The following PRAME variants were observed in gnomAD, a reference collection of about 807,000 sequenced individuals.
The protein encoded by PRAME is PRAME nuclear receptor transcriptional regulator.
Under a neutral mutation model 32.1 loss-of-function variants are expected in PRAME, and 21 were observed. The observed-to-expected ratio is 0.65, with a 90% CI of 0.46 to 0.94. The LOEUF (loss-of-function observed/expected upper bound fraction) is 0.94, where lower values mean the gene tolerates loss of function less well. PRAME is among the 40% of genes least tolerant of loss of function. The pLI, the probability that PRAME is intolerant of heterozygous loss-of-function variation, is 0.00. For missense variants in PRAME, 651 were observed against 622.3 expected (o/e 1.05, Z -0.49); for synonymous variants, 274 against 251.5 (o/e 1.09, Z -0.85).
intron 1 of PRAME, among the ~76,000 whole-genome samples, chr22:22,558,406 G>A (rs1308168579): frequency 3.3e-5 from 1 of 29,970 alleles, no homozygotes; most frequent in Non-Finnish European, 6.9e-5. Flanking sequence ...GGGCCAGGGC[G>A]GGAATGGGGG....
chr22:22,547,787 G>A lies in PRAME; in HGVS notation c.*280C>T, dbSNP rs2062335087. The A allele has an allele frequency of 2.0e-6, 1 of 490,510 alleles. No individual in the cohort carries two copies. The highest frequency in any genetic ancestry group is 1.9e-5 in the African/African-American group (1 of 51,682). The allele number at this position is 490,510 out of a possible 1,614,324, so 30.4% of individuals were successfully genotyped here. A position where few individuals can be genotyped will look rare whatever the true frequency, so the allele number is the denominator to read the frequency against. ...ACTCCTACATGTACTTCCCAAGCCA[G>A]AATCTCCCTTTAGAAATTCAGATTC... is the stretch of plus-strand genomic sequence containing the variant. On this transcript the variant is annotated 3_prime_UTR_variant, in exon 6 of 6. Coordinates refer to ENST00000405655, the MANE Select transcript of PRAME (RefSeq NM_206956.3).
At chr22:22,553,793 G>A (rs2062740642) in intron 3 of PRAME, 4 of 984,910 alleles carry the variant, frequency 4.1e-6, no homozygotes, top group Non-Finnish European at 4.8e-6. Context: ...AGGGCTGAAA[G>A]CACACATCCC....
chr22:22,556,162 G>A (rs1355414190), intron 3 of PRAME, among the ~76,000 whole-genome samples: 1 of 151,456 alleles, frequency 6.6e-6, no homozygotes, highest in Non-Finnish European at 1.5e-5. Context: ...ACCACGCCCA[G>A]CTAATTTTTT....
At position 22,549,892 on chromosome 22, in the gene PRAME, G is replaced by C. The variant is rs41277505; in HGVS notation, c.787C>G (p.Arg263Gly). 9.3e-6 allele frequency: 15 copies of C among 1,613,728 alleles called. No homozygotes were observed. The highest frequency in any genetic ancestry group is 8.3e-5 in the Admixed American group (5 of 59,972). The change falls in exon 5 of 6, where the codon CGT (arginine) becomes GGT (glycine). Residue 263 changes from arginine to glycine, a missense_variant. Transcript: ENST00000405655. Reference protein sequence around the residue: ...SPYLGQMINLRRLLLSHIHAS... With the variant: ...SPYLGQMINLGRLLLSHIHAS... ...TGGATGTGGGAGAGGAGGAGTCTAC[G>C]CAGATTAATCATCTGGCCCAGGTAA...
Position 22,550,986 on chromosome 22 carries a change from A to AT in PRAME, c.124dup (p.Ile42AsnfsTer21). The AT allele has an allele frequency of 6.2e-7, 1 of 1,613,492 alleles. No homozygotes were observed. The highest frequency in any genetic ancestry group is 1.1e-5 in the South Asian group (1 of 91,050). ...CCTGGGCAGCAACTCCAGGGCGGCA[A>AT]TGGCCAGGGCCTCATCCTTCAGCAG... On this transcript the variant is annotated frameshift_variant, in exon 4 of 6. Coordinates refer to ENST00000405655, the MANE Select transcript of PRAME (RefSeq NM_206956.3). LOFTEE classifies it high-confidence loss of function.
In PRAME at chr22:22,548,615, A is replaced by AT; in HGVS notation, c.981_982insA (p.Ser328IlefsTer4). The AT allele has an allele frequency of 6.2e-7, 1 of 1,606,026 alleles. No individual in the cohort carries two copies. Among genetic ancestry groups the AT allele is most frequent in the Non-Finnish European group, 8.5e-7 (1 of 1,179,412 alleles). ...TCCGAAAGCCGGCAGTTAGTTATTG[A>AT]GAGGGTTTCCAAGGGGTTCATCACG... is the stretch of plus-strand genomic sequence containing the variant. On this transcript the variant is annotated frameshift_variant, in exon 6 of 6. Coordinates refer to ENST00000405655, the MANE Select transcript of PRAME (RefSeq NM_206956.3). LOFTEE classifies it low-confidence loss of function (END_TRUNC).
At chr22:22,558,555 AAGTC>A (rs1340883349) in intron 1 of PRAME, among the ~76,000 whole-genome samples, 2 of 87,114 alleles carry the variant, frequency 2.3e-5, no homozygotes, top group Admixed American at 1.4e-4. Flanking sequence ...TGTGGAAAGA[AAGTC>A]AGAAGGTGGG....
chr22:22,552,626 A>AG (rs1429573203), intron 3 of PRAME, among the ~76,000 whole-genome samples: 2 of 152,036 alleles, frequency 1.3e-5, no homozygotes, highest in Non-Finnish European at 2.9e-5. Flanking sequence ...AATCAATCCA[A>AG]TAACCAAATA....
At chr22:22,555,183 T>A (rs1239597052) in intron 3 of PRAME, among the ~76,000 whole-genome samples, 3 of 152,024 alleles carry the variant, frequency 2.0e-5, no homozygotes, top group Admixed American at 1.3e-4. Context: ...CAGAGTGGCC[T>A]CTGAGCTCAT....
Position 22,548,533 on chromosome 22 carries a change from C to A in PRAME, c.1064G>T (p.Ser355Ile). The A allele has an allele frequency of 1.2e-6, 2 of 1,613,710 alleles. No individual in the cohort carries two copies. Among genetic ancestry groups the A allele is most frequent in the Non-Finnish European group, 1.7e-6 (2 of 1,179,956 alleles). ...ATCGGTCAGCATGACCCCACTTAGACTCAGGACACTTAGCTGACTGACGCT... is the reference window on the plus strand; with the variant it reads ...ATCGGTCAGCATGACCCCACTTAGAATCAGGACACTTAGCTGACTGACGCT... ...SPSVSQLSVL[S>I]LSGVMLTDVS... Residue 355 changes from serine to isoleucine, a missense_variant, in exon 6 of 6, where the codon AGT (serine) becomes ATT (isoleucine). By Grantham distance (142) the Ser-to-Ile change is moderately radical. Transcript: ENST00000405655.
Position 22,551,022 on chromosome 22 carries a change from G to T in PRAME, c.89C>A (p.Ala30Glu). The change falls in exon 4 of 6, where the codon GCA (alanine) becomes GAA (glutamate). Residue 30 changes from alanine (A) to glutamate (E), a missense_variant. Physicochemically the swap from Ala to Glu is moderately radical, Grantham distance 107. Coordinates refer to ENST00000405655, the MANE Select transcript of PRAME (RefSeq NM_206956.3). ...WTSPRRLVEL[A>E]GQSLLKDEAL... ...CTCATCCTTCAGCAGGCTCTGCCCT[G>T]CCAGCTCCACAAGTCTCCGTGGGCT... is the stretch of plus-strand genomic sequence containing the variant. The T allele has an allele frequency of 6.2e-7, 1 of 1,611,570 alleles. No homozygotes were observed. Among genetic ancestry groups the T allele is most frequent in the South Asian group, 1.1e-5 (1 of 90,924 alleles).
chr22:22,553,688 G>A (rs1312751789), intron 3 of PRAME: 3 of 618,392 alleles, frequency 4.9e-6, no homozygotes, highest in Non-Finnish European at 6.1e-6. Flanking sequence ...GGGATAGAGA[G>A]TAATATTGGT....
In PRAME at chr22:22,550,703, T is replaced by C. The variant is rs2062514745; in HGVS notation, c.344+64A>G. On this transcript the variant is annotated intron_variant, in intron 4 of 5. Coordinates refer to ENST00000405655, the MANE Select transcript of PRAME (RefSeq NM_206956.3). ...CCAGCCTTAGGCGCTCCATGCTCCC[T>C]GACCCCAGCTGCATCCTGCTCAGGT... is the stretch of plus-strand genomic sequence containing the variant. 4 of 1,493,082 alleles carry C rather than the reference T, an allele frequency of 2.7e-6. No individual in the cohort carries two copies. The East Asian group carries it at 6.8e-5, about 26-fold the overall frequency. The allele number at this position is 1,493,082 out of a possible 1,614,324, so 92.5% of individuals were successfully genotyped here. A position where few individuals can be genotyped will look rare whatever the true frequency, so the allele number is the denominator to read the frequency against.
rs41310248 is a variant in PRAME at position 22,550,972 on chromosome 22, A to T, written c.139T>A (p.Leu47Met). The T allele has an allele frequency of 0.027, 43,986 of 1,612,788 alleles. 752 individuals are homozygous for T. Among genetic ancestry groups the T allele is most frequent in the Non-Finnish European group, 0.032 (37,852 of 1,179,662 alleles). ...GGCGGGAAGAGCTCCCTGGGCAGCA[A>T]CTCCAGGGCGGCAATGGCCAGGGCC... ...DEALAIAALE[L>M]LPRELFPPLF... Residue 47 changes from leucine to methionine, a missense_variant, in exon 4 of 6, where the codon TTG (leucine) becomes ATG (methionine). Coordinates refer to ENST00000405655, the MANE Select transcript of PRAME (RefSeq NM_206956.3).
At chr22:22,550,617 C>A in intron 4 of PRAME, 150 bp downstream of exon 4, 1 of 944,486 alleles carries the variant, frequency 1.1e-6, no homozygotes, top group Non-Finnish European at 1.6e-6. Flanking sequence ...CAAGAGTGAC[C>A]CCTGCAGTAG....
At chr22:22,555,119 T>C (rs545059815) in intron 3 of PRAME, among the ~76,000 whole-genome samples, 26 of 151,936 alleles carry the variant, frequency 1.7e-4, no homozygotes, top group Non-Finnish European at 3.2e-4. Context: ...ATTGGGGAGA[T>C]ATTTCTGCAT....
rs760694346 is a variant in PRAME at position 22,550,884 on chromosome 22, C to A, written c.227G>T (p.Trp76Leu). The change falls in exon 4 of 6, where the codon TGG (tryptophan) becomes TTG (leucine). Residue 76 changes from tryptophan (W) to leucine (L), a missense_variant. By Grantham distance (61) the Trp-to-Leu change is moderately conservative (BLOSUM62 -2). Coordinates refer to ENST00000405655, the MANE Select transcript of PRAME (RefSeq NM_206956.3). Reference protein sequence around the residue: ...SQTLKAMVQAWPFTCLPLGVL... With the variant: ...SQTLKAMVQALPFTCLPLGVL... ...TCCCAGAGGGAGGCAGGTGAAGGGCCAGGCCTGCACCATTGCCTTCAGGGT... is the reference window on the plus strand; with the variant it reads ...TCCCAGAGGGAGGCAGGTGAAGGGCAAGGCCTGCACCATTGCCTTCAGGGT... The A allele has an allele frequency of 2.5e-6, 4 of 1,613,834 alleles. No homozygotes were observed. The highest frequency in any genetic ancestry group is 3.4e-6 in the Non-Finnish European group (4 of 1,179,936).
intron 3 of PRAME, among the ~76,000 whole-genome samples, chr22:22,553,545 A>T (rs2062726052): frequency 6.6e-6 from 1 of 151,886 alleles, no homozygotes; most frequent in Non-Finnish European, 1.5e-5. Flanking sequence ...AAGCCAAGGT[A>T]ATCACTGAGG....
In PRAME at chr22:22,547,742, AAC is replaced by A; in HGVS notation, c.*323_*324del. ...TCTTTATTTTCAACAGTTTCTTTAC[AAC>A]AGTCTACACAGGGATTAACTCCTAC... On this transcript the variant is annotated 3_prime_UTR_variant, in exon 6 of 6. Transcript: ENST00000405655. 3.0e-6 allele frequency: 1 copy of A among 336,276 alleles called. No homozygotes were observed. Among genetic ancestry groups the A allele is most frequent in the Non-Finnish European group, 5.4e-6 (1 of 185,560 alleles). The allele number at this position is 336,276 out of a possible 1,614,324, so 20.8% of individuals were successfully genotyped here.
Sources: allele counts gnomAD v4.1 joint callset (sites outside exome capture counted in the v4.1 genomes callset), GRCh38; gene constraint gnomAD v4.1.1; transcripts MANE v1.5; gene names NCBI Gene and HGNC (gene_info 2026-07-23, HGNC 2026-07-21).